Variants in EFHD1 observed in about 807,000 individuals in gnomAD.
EFHD1 encodes EF-hand domain family member D1, also known as EF-hand domain-containing protein D1.
In EFHD1, 10 loss-of-function variants were observed where a neutral mutation model predicts 17.2. That is an observed-to-expected ratio of 0.58 (90% CI 0.36 to 0.99). The LOEUF is 0.99. Among genes scored for constraint, EFHD1 ranks in the 50% least tolerant of loss-of-function variants. The pLI is 0.01. For synonymous variants in EFHD1, 153 were observed against 142.0 expected (o/e 1.08, Z -0.55); for missense variants, 310 against 327.5 (o/e 0.95, Z 0.41).
At chr2:232,638,179 T>C (rs1006870387) in intron 1 of EFHD1, 26 of 353,858 alleles carry the variant, frequency 7.3e-5, no homozygotes, top group African/African-American at 5.1e-4. Context: ...CGTGAGCTGG[T>C]GGAGCAGTCA....
chr2:232,655,348 T>C (rs1334597142), intron 1 of EFHD1, among the ~76,000 whole-genome samples: 2 of 152,206 alleles, frequency 1.3e-5, no homozygotes, highest in African/African-American at 2.4e-5. Flanking sequence ...GGCCACCCCT[T>C]CTAAGGCTGA....
At chr2:232,646,211 G>A (rs1401654740) in intron 1 of EFHD1, among the ~76,000 whole-genome samples, 1 of 152,022 alleles carries the variant, frequency 6.6e-6, no homozygotes, top group East Asian at 1.9e-4. Flanking sequence ...GCTCCCTATT[G>A]CCCAAGGAAA....
At chr2:232,660,925 C>T (rs570725987) in intron 1 of EFHD1, among the ~76,000 whole-genome samples, 1 of 152,152 alleles carries the variant, frequency 6.6e-6, no homozygotes, top group East Asian at 1.9e-4. Flanking sequence ...TCGCAGTGAG[C>T]CGAGATTGTG....
At chr2:232,664,821 G>T (rs1040662072) in intron 2 of EFHD1, among the ~76,000 whole-genome samples, 1 of 150,398 alleles carries the variant, frequency 6.6e-6, no homozygotes, top group African/African-American at 2.4e-5. Context: ...CACCATGTTA[G>T]TCAGGATGGT....
intron 1 of EFHD1, among the ~76,000 whole-genome samples, chr2:232,608,055 C>A (rs1200506012): frequency 6.6e-6 from 1 of 151,748 alleles, no homozygotes; most frequent in Non-Finnish European, 1.5e-5. Flanking sequence ...ATACCAAATC[C>A]ATGGAATCAA....
At chr2:232,676,990 A>C (rs1574737259) in intron 3 of EFHD1, among the ~76,000 whole-genome samples, 1 of 151,512 alleles carries the variant, frequency 6.6e-6, no homozygotes, top group African/African-American at 2.4e-5. Context: ...ACAGAGCAAG[A>C]CCCTGCCTCT....
chr2:232,682,517 C>T lies in EFHD1; in HGVS notation c.*798C>T, dbSNP rs1313022347. 3 of 152,178 alleles carry T rather than the reference C, an allele frequency of 2.0e-5. No homozygotes were observed. The highest frequency in any genetic ancestry group is 1.3e-4 in the Admixed American group (2 of 15,266). The allele number at this position is 152,178 out of a possible 1,614,324, so 9.4% of individuals were successfully genotyped here. A position where few individuals can be genotyped will look rare whatever the true frequency, so the allele number is the denominator to read the frequency against. ...TCTGTGCAAATTGTATTACAGTAGA[C>T]CGCTGACGTTCCCAAGTGACAGATC... On this transcript the variant is annotated 3_prime_UTR_variant, in exon 4 of 4. Transcript: ENST00000264059.
At chr2:232,626,154 C>T (rs907933799) in intron 1 of EFHD1, among the ~76,000 whole-genome samples, 37 of 150,650 alleles carry the variant, frequency 2.5e-4, no homozygotes, top group Admixed American at 2.1e-3. Context: ...ATCACAACAC[C>T]GCACTCCAGC....
At position 232,633,607 on chromosome 2, in the gene EFHD1, G is replaced by A; in HGVS notation, c.-98G>A. On this transcript the variant is annotated 5_prime_UTR_variant, in exon 1 of 4. The change creates a new upstream start codon in the 5' untranslated region. Transcript: ENST00000264059. Reference sequence around the variant, plus strand: ...GCCGGGTCCCCGCCGCCTCGGCGGAGTGTTGTAGAGCCTCGAGCCTGCGAG... The same window carrying A: ...GCCGGGTCCCCGCCGCCTCGGCGGAATGTTGTAGAGCCTCGAGCCTGCGAG... 7.6e-7 allele frequency: 1 copy of A among 1,315,194 alleles called. No individual in the cohort carries two copies. Among genetic ancestry groups the A allele is most frequent in the Non-Finnish European group, 9.6e-7 (1 of 1,038,090 alleles). 81.5% of individuals were successfully genotyped at this position (1,315,194 alleles called of 1,614,324 possible). A position where few individuals can be genotyped will look rare whatever the true frequency, so the allele number is the denominator to read the frequency against.
Position 232,672,405 on chromosome 2 carries a change from G to C in EFHD1, c.547G>C (p.Glu183Gln). 3.1e-6 allele frequency: 5 copies of C among 1,612,184 alleles called. No individual in the cohort carries two copies. The highest frequency in any genetic ancestry group is 4.2e-6 in the Non-Finnish European group (5 of 1,179,210). ...AKLSEIDVAL[E>Q]GVKGAKNFFE... is the part of the protein sequence containing the mutation. The stretch of plus-strand genomic sequence containing the variant: ...GCTTTCTGAGATCGATGTGGCCCTG[G>C]AGGGTGTCAAAGGTGCCAAGAACTT... The change falls in exon 3 of 4, where the codon GAG becomes CAG. Residue 183 changes from glutamate to glutamine, a missense_variant. Transcript: ENST00000264059.
intron 1 of EFHD1, among the ~76,000 whole-genome samples, chr2:232,645,114 C>T (rs528958590): frequency 6.6e-6 from 1 of 152,112 alleles, no homozygotes; most frequent in East Asian, 1.9e-4. Flanking sequence ...TAGCCTAGCA[C>T]ACCTTACTCC....
At chr2:232,632,388 G>A (rs1694219624), upstream of EFHD1, among the ~76,000 whole-genome samples, 2 of 152,284 alleles carry the variant, frequency 1.3e-5, no homozygotes, top group African/African-American at 4.8e-5. Flanking sequence ...TAGTCCAGCG[G>A]GGTCACTGAC....
intron 2 of EFHD1, among the ~76,000 whole-genome samples, chr2:232,669,440 G>A (rs1477121758): frequency 6.6e-6 from 1 of 152,102 alleles, no homozygotes; most frequent in Non-Finnish European, 1.5e-5. Context: ...AAGGCATTTC[G>A]GGGATGCGGT....
At chr2:232,646,387 T>G (rs2106201007) in intron 1 of EFHD1, among the ~76,000 whole-genome samples, 1 of 151,336 alleles carries the variant, frequency 6.6e-6, no homozygotes, top group Admixed American at 6.6e-5. Flanking sequence ...CACTTAGGTC[T>G]GTCCGTTGTC....
chr2:232,647,027 G>A (rs1267567240), intron 1 of EFHD1, among the ~76,000 whole-genome samples: 3 of 152,216 alleles, frequency 2.0e-5, no homozygotes, highest in Non-Finnish European at 2.9e-5. Context: ...GGGGTCATGC[G>A]GTTCCCTCCA....
intron 3 of EFHD1, among the ~76,000 whole-genome samples, chr2:232,674,374 G>A (rs1421196545): frequency 1.3e-5 from 2 of 152,236 alleles, no homozygotes; most frequent in Non-Finnish European, 2.9e-5. Context: ...CTGCGTGTCC[G>A]TGTGGACAGA....
chr2:232,613,645 T>TACACACAC (rs755155291), intron 1 of EFHD1, among the ~76,000 whole-genome samples: 1 of 132,492 alleles, frequency 7.5e-6, no homozygotes, highest in African/African-American at 2.8e-5. Flanking sequence ...TACACACACA[T>TACACACAC]ACACACACAC....
intron 1 of EFHD1, among the ~76,000 whole-genome samples, chr2:232,648,156 T>G (rs1411974199): frequency 6.6e-6 from 1 of 152,116 alleles, no homozygotes; most frequent in Non-Finnish European, 1.5e-5. Flanking sequence ...GCGTGAGGAT[T>G]GCTTGAACCT....
chr2:232,680,306 G>A (rs1695253979), intron 3 of EFHD1, among the ~76,000 whole-genome samples: 1 of 151,968 alleles, frequency 6.6e-6, no homozygotes. Context: ...AGCGTGTTTG[G>A]AAATTTTATA....
Sources: gnomAD v4.1 joint callset for allele counts (sites outside exome capture counted in the v4.1 genomes callset) on GRCh38, gnomAD v4.1.1 for gene constraint, MANE v1.5 for transcripts, NCBI Gene and HGNC (gene_info 2026-07-23, HGNC 2026-07-21) for gene names.